FAM13C: variants seen among roughly 807,000 people sequenced by gnomAD.
FAM13C encodes the protein protein FAM13C.
In FAM13C, 37 loss-of-function variants were observed where a neutral mutation model predicts 73.2. The observed-to-expected ratio is 0.51, with a 90% CI of 0.39 to 0.67. The LOEUF (loss-of-function observed/expected upper bound fraction) is 0.67. Among genes scored for constraint, FAM13C ranks in the 30% least tolerant of loss-of-function variants. The probability of loss-of-function intolerance (pLI) is 0.00; values close to 1 mark genes in which losing one functional copy is unlikely to be tolerated. For synonymous variants in FAM13C, 246 were observed against 260.9 expected, an observed-to-expected ratio of 0.94 and a Z score of 0.55; for missense variants, 589 against 715.6, an observed-to-expected ratio of 0.82 and a Z score of 2.02.
chr10:59,362,044 G>A (rs1336989496), intron 1 of FAM13C, among the ~76,000 whole-genome samples: 1 of 152,130 alleles, frequency 6.6e-6, no homozygotes, highest in African/African-American at 2.4e-5. Context: ...AATGTATATA[G>A]TGTGCACTCC....
upstream of FAM13C, chr10:59,362,660 G>T: frequency 7.9e-7 from 1 of 1,271,050 alleles, no homozygotes; most frequent in Middle Eastern, 2.8e-4. Flanking sequence ...CCGGCAGCCC[G>T]CGAGGCTGCG....
chr10:59,328,259 A>G (rs927275902), intron 3 of FAM13C, among the ~76,000 whole-genome samples: 14 of 152,346 alleles, frequency 9.2e-5, no homozygotes, highest in South Asian at 2.1e-4. Flanking sequence ...GCATGATAAC[A>G]AAAGGAAAGC....
chr10:59,260,215 T>C (rs1279987984), intron 10 of FAM13C, among the ~76,000 whole-genome samples: 2 of 152,156 alleles, frequency 1.3e-5, no homozygotes, highest in African/African-American at 4.8e-5. Context: ...ATCTCCCCTT[T>C]TCATTCTTTT....
intron 13 of FAM13C, among the ~76,000 whole-genome samples, chr10:59,249,140 C>T (rs1159361806): frequency 2.6e-5 from 4 of 152,102 alleles, no homozygotes; most frequent in South Asian, 4.1e-4. Context: ...CACAGTGGCT[C>T]ACGCCTGTAA....
intron 8 of FAM13C, among the ~76,000 whole-genome samples, chr10:59,264,532 C>T (rs2133485585): frequency 6.6e-6 from 1 of 152,274 alleles, no homozygotes; most frequent in African/African-American, 2.4e-5. Context: ...TACCCCATTG[C>T]CAGGCCATTT....
chr10:59,323,870 A>G, intron 4 of FAM13C, 118 bp downstream of exon 4: 1 of 881,658 alleles, frequency 1.1e-6, no homozygotes. Flanking sequence ...TTTTCTGACT[A>G]TAAGGAATGC....
intron 6 of FAM13C, among the ~76,000 whole-genome samples, chr10:59,280,816 C>T (rs771064698): frequency 1.3e-5 from 2 of 152,174 alleles, no homozygotes; most frequent in African/African-American, 4.8e-5. Flanking sequence ...CTGATCTTGG[C>T]AACCCATAAA....
At chr10:59,259,796 C>T (rs568742802) in intron 10 of FAM13C, among the ~76,000 whole-genome samples, 3 of 152,160 alleles carry the variant, frequency 2.0e-5, no homozygotes, top group Middle Eastern at 3.4e-3. Context: ...TCTGATCTTC[C>T]GACTCTCATT....
chr10:59,293,745 T>C (rs1240522004), intron 5 of FAM13C, among the ~76,000 whole-genome samples: 1 of 152,224 alleles, frequency 6.6e-6, no homozygotes, highest in Non-Finnish European at 1.5e-5. Flanking sequence ...TATGTGTCCC[T>C]GTAAACCTCT....
At position 59,246,977 on chromosome 10, in the gene FAM13C, T is replaced by A. The variant is rs1840761693; in HGVS notation, c.*637A>T. On this transcript the variant is annotated 3_prime_UTR_variant, in exon 14 of 14. Transcript: ENST00000618804. Reference sequence around the variant, plus strand: ...CAAAGTACATGCTATCAGAATGAACTTTGGTAACCAGAAATGTAAAATTTC... The same window carrying A: ...CAAAGTACATGCTATCAGAATGAACATTGGTAACCAGAAATGTAAAATTTC... The A allele has an allele frequency of 4.7e-6, 1 of 212,330 alleles. No individual in the cohort carries two copies. Among genetic ancestry groups the A allele is most frequent in the Admixed American group, 5.8e-5 (1 of 17,294 alleles). The allele number at this position is 212,330 out of a possible 1,614,324, so 13.2% of individuals were successfully genotyped here.
chr10:59,346,297 AT>A (rs1460814268), intron 3 of FAM13C, among the ~76,000 whole-genome samples: 1 of 152,218 alleles, frequency 6.6e-6, no homozygotes, highest in Non-Finnish European at 1.5e-5. Flanking sequence ...TACCAGAAAT[AT>A]AGTAAATATT....
At chr10:59,354,086 C>G (rs978581672) in intron 2 of FAM13C, among the ~76,000 whole-genome samples, 2 of 152,146 alleles carry the variant, frequency 1.3e-5, no homozygotes, top group Non-Finnish European at 2.9e-5. Flanking sequence ...TACCTAAATG[C>G]CCTCATTCGA....
Position 59,285,347 on chromosome 10 carries a change from CA to C in FAM13C, c.508-1901del, listed in dbSNP as rs538542370. 1.7e-4 allele frequency among the ~76,000 whole-genome samples: 26 copies of C among 152,036 alleles called. No individual in the cohort carries two copies. In the South Asian group the frequency reaches 5.2e-3, roughly 30 times the overall value. Reference sequence around the variant, plus strand: ...GGAGCTGCTGAAGGAACAGGCACACCAAGTTTCTGGGAGGATTTACTATTTA... The same window carrying C: ...GGAGCTGCTGAAGGAACAGGCACACCAGTTTCTGGGAGGATTTACTATTTA... On this transcript the variant is annotated intron_variant, in intron 5 of 13. Coordinates refer to ENST00000618804, the MANE Select transcript of FAM13C (RefSeq NM_198215.4).
At position 59,251,547 on chromosome 10, in the gene FAM13C, C is replaced by G. The variant is rs1180329589; in HGVS notation, c.1634+28G>C. 1.9e-6 allele frequency: 3 copies of G among 1,591,272 alleles called. No individual in the cohort carries two copies. The Admixed American group carries it at 5.0e-5, about 27-fold the overall frequency. ...ACAGCAATTCTCTAGGAAGTATTAG[C>G]TTTAAAAATCTCTCTGCCGACACAT... is the stretch of plus-strand genomic sequence containing the variant. On this transcript the variant is annotated intron_variant, in intron 13 of 13. Transcript: ENST00000618804.
At chr10:59,258,715 A>T (rs530390278) in intron 10 of FAM13C, among the ~76,000 whole-genome samples, 4 of 152,036 alleles carry the variant, frequency 2.6e-5, no homozygotes, top group African/African-American at 4.8e-5. Context: ...TAATTTCTTT[A>T]AAAAAAAGAA....
At chr10:59,296,319 C>G (rs1251561481) in intron 5 of FAM13C, among the ~76,000 whole-genome samples, 1 of 152,164 alleles carries the variant, frequency 6.6e-6, no homozygotes, top group Non-Finnish European at 1.5e-5. Context: ...CATACCGACT[C>G]AAAGAGGGAC....
chr10:59,284,672 C>T (rs1845343786), intron 5 of FAM13C, among the ~76,000 whole-genome samples: 1 of 151,348 alleles, frequency 6.6e-6, no homozygotes, highest in African/African-American at 2.4e-5. Flanking sequence ...CCTCCTACTC[C>T]ACACAGACGC....
intron 12 of FAM13C, 128 bp from the exon 13 acceptor site, chr10:59,251,804 T>A: frequency 5.8e-6 from 4 of 687,622 alleles, no homozygotes; most frequent in Non-Finnish European, 9.6e-6. Flanking sequence ...AGAGTATCTT[T>A]TGAGTAAATA....
chr10:59,273,192 T>A (rs1563822), intron 6 of FAM13C, among the ~76,000 whole-genome samples: 36,087 of 152,086 alleles, frequency 0.24, 5,889 homozygotes, highest in African/African-American at 0.46. Context: ...TTACATTTTT[T>A]AAAACTAATA....
Sources: allele counts gnomAD v4.1 joint callset (sites outside exome capture counted in the v4.1 genomes callset), GRCh38; gene constraint gnomAD v4.1.1; transcripts MANE v1.5; gene names NCBI Gene and HGNC (gene_info 2026-07-23, HGNC 2026-07-21).